The following DLGAP1 variants were observed in gnomAD, a reference collection of about 807,000 sequenced individuals.
DLGAP1 encodes disks large-associated protein 1.
A neutral mutation model predicts 90.8 loss-of-function variants in DLGAP1; 11 were observed. That is an observed-to-expected ratio of 0.12 (90% CI 0.08 to 0.20). The LOEUF (loss-of-function observed/expected upper bound fraction) is 0.20. DLGAP1 is among the 10% of genes least tolerant of loss of function. DLGAP1 has a pLI of 1.00. For missense variants in DLGAP1, 1,050 were observed against 1,333.8 expected, an observed-to-expected ratio of 0.79 and a Z score of 3.31; for synonymous variants, 558 against 540.7, an observed-to-expected ratio of 1.03 and a Z score of -0.44.
At chr18:3,773,270 C>T (rs114979219) in intron 5 of DLGAP1, among the ~76,000 whole-genome samples, 100 of 152,080 alleles carry the variant, frequency 6.6e-4, no homozygotes, top group African/African-American at 2.3e-3. Flanking sequence ...CTGTTGGGCT[C>T]TCAGGATATA....
chr18:3,827,258 G>A (rs962380346), intron 4 of DLGAP1, among the ~76,000 whole-genome samples: 1 of 152,138 alleles, frequency 6.6e-6, no homozygotes, highest in African/African-American at 2.4e-5. Flanking sequence ...TGGTAGAAGA[G>A]AGAAATGGTC....
At chr18:4,045,515 C>T (rs1375490308) in intron 2 of DLGAP1, among the ~76,000 whole-genome samples, 2 of 138,718 alleles carry the variant, frequency 1.4e-5, no homozygotes, top group South Asian at 2.5e-4. Context: ...GGACGGATCG[C>T]TTGAGCCTGG....
chr18:3,741,360 C>T (rs973537944), intron 6 of DLGAP1, among the ~76,000 whole-genome samples: 7 of 148,484 alleles, frequency 4.7e-5, no homozygotes, highest in African/African-American at 1.8e-4. Flanking sequence ...ACCACCACAT[C>T]ACCATCACCA....
At chr18:4,201,559 A>G (rs138203323) in intron 1 of DLGAP1, among the ~76,000 whole-genome samples, 1 of 152,098 alleles carries the variant, frequency 6.6e-6, no homozygotes. Context: ...GTAATGGGAT[A>G]CCTCCAACTT....
At chr18:4,248,856 C>G (rs2078712385) in intron 1 of DLGAP1, 1 of 152,456 alleles carries the variant, frequency 6.6e-6, no homozygotes, top group South Asian at 2.1e-4. Flanking sequence ...ACCTTCATAC[C>G]CCGCCGGCCA....
intron 7 of DLGAP1, among the ~76,000 whole-genome samples, chr18:3,643,800 A>T (rs2059025847): frequency 6.6e-6 from 1 of 152,176 alleles, no homozygotes; most frequent in Non-Finnish European, 1.5e-5. Context: ...AAGTTTGATG[A>T]AAGAGTACGT....
At chr18:3,545,067 G>A (rs1044693774) in intron 9 of DLGAP1, among the ~76,000 whole-genome samples, 40 of 152,080 alleles carry the variant, frequency 2.6e-4, no homozygotes, top group African/African-American at 9.6e-4. Flanking sequence ...TCAGGAGTTC[G>A]AGACCAATCT....
chr18:3,948,541 C>T lies in DLGAP1; in HGVS notation c.-73+56575G>A, dbSNP rs115756122. 8.0e-3 allele frequency among the ~76,000 whole-genome samples: 1,212 copies of T among 152,244 alleles called. 13 individuals are homozygous for T. Among genetic ancestry groups the T allele is most frequent in the African/African-American group, 0.027 (1,139 of 41,532 alleles). On this transcript the variant is annotated intron_variant, in intron 3 of 12. Transcript: ENST00000315677. ...TCTTGTACAGGGTAAGAGCCAAGCA[C>T]GCATGCCTAGGTTGGTGAAAGTCTA...
chr18:4,420,996 T>C (rs1490825849), intron 1 of DLGAP1, among the ~76,000 whole-genome samples: 1 of 152,240 alleles, frequency 6.6e-6, no homozygotes, highest in African/African-American at 2.4e-5. Context: ...GATTTTTCCC[T>C]TGAAACTATT....
At chr18:3,872,503 G>GA (rs932625989) in intron 4 of DLGAP1, among the ~76,000 whole-genome samples, 70 of 151,410 alleles carry the variant, frequency 4.6e-4, no homozygotes, top group African/African-American at 1.6e-3. Flanking sequence ...AAAATAATGT[G>GA]AAAAAAAAAT....
intron 1 of DLGAP1, among the ~76,000 whole-genome samples, chr18:4,302,929 T>C (rs1392828397): frequency 3.9e-5 from 6 of 152,318 alleles, no homozygotes; most frequent in South Asian, 2.1e-4. Context: ...TTATTTCTTT[T>C]ATTTTTTTGG....
At chr18:3,951,705 GGT>G (rs2072988589) in intron 3 of DLGAP1, among the ~76,000 whole-genome samples, 1 of 152,046 alleles carries the variant, frequency 6.6e-6, no homozygotes, top group South Asian at 2.1e-4. Flanking sequence ...ATATGGGAGC[GGT>G]TCCCCCATGC....
At chr18:3,564,437 T>C (rs1260771895) in intron 9 of DLGAP1, among the ~76,000 whole-genome samples, 3 of 152,276 alleles carry the variant, frequency 2.0e-5, no homozygotes, top group Admixed American at 2.0e-4. Context: ...GGTTCTAGGC[T>C]CTGATAAAAC....
intron 7 of DLGAP1, among the ~76,000 whole-genome samples, chr18:3,726,831 C>G (rs1217571894): frequency 6.6e-6 from 1 of 152,068 alleles, no homozygotes; most frequent in African/African-American, 2.4e-5. Context: ...GGAGCCTTCC[C>G]CAAGAGAGTT....
At chr18:4,414,123 A>G (rs1043691269) in intron 1 of DLGAP1, among the ~76,000 whole-genome samples, 2 of 152,220 alleles carry the variant, frequency 1.3e-5, no homozygotes, top group African/African-American at 4.8e-5. Flanking sequence ...ATGAAAAGTG[A>G]TTACTAAATA....
At chr18:3,898,732 T>G (rs1369195826) in intron 3 of DLGAP1, among the ~76,000 whole-genome samples, 2 of 152,124 alleles carry the variant, frequency 1.3e-5, no homozygotes, top group Admixed American at 6.5e-5. Flanking sequence ...ATAAGCATAA[T>G]AAGAAGACAC....
chr18:4,170,333 G>A (rs947306847), intron 1 of DLGAP1, among the ~76,000 whole-genome samples: 2 of 152,114 alleles, frequency 1.3e-5, no homozygotes, highest in African/African-American at 4.8e-5. Flanking sequence ...TCCAGTGGTA[G>A]GTAAGCTCAA....
intron 5 of DLGAP1, among the ~76,000 whole-genome samples, chr18:3,777,491 G>A (rs2064990962): frequency 6.6e-6 from 1 of 152,158 alleles, no homozygotes; most frequent in African/African-American, 2.4e-5. Context: ...AGGGAGCGAT[G>A]GGTTATATAA....
chr18:3,691,958 A>C (rs555175099), intron 7 of DLGAP1, among the ~76,000 whole-genome samples: 1 of 152,276 alleles, frequency 6.6e-6, no homozygotes, highest in South Asian at 2.1e-4. Flanking sequence ...AGGTTGAGGA[A>C]TTAGTTCATT....
Sources: gnomAD v4.1 joint callset for allele counts (sites outside exome capture counted in the v4.1 genomes callset) on GRCh38, gnomAD v4.1.1 for gene constraint, MANE v1.5 for transcripts, NCBI Gene and HGNC (gene_info 2026-07-23, HGNC 2026-07-21) for gene names.